Variants in CCDC7 observed in about 807,000 individuals in gnomAD.
The protein encoded by CCDC7 is coiled-coil domain containing 7.
CCDC7 carries 183 observed loss-of-function variants against 196.9 expected under a neutral mutation model. The observed-to-expected ratio is 0.93, with a 90% confidence interval of 0.82 to 1.05. The LOEUF (loss-of-function observed/expected upper bound fraction) is 1.05, where lower values mean the gene tolerates loss of function less well. Ranked by LOEUF, CCDC7 falls within the 50% of genes least tolerant of loss-of-function variation. The probability of loss-of-function intolerance (pLI) is 0.00; values close to 1 mark genes in which losing one functional copy is unlikely to be tolerated. For missense variants in CCDC7, 1,540 were observed against 1,482.2 expected (o/e 1.04, Z -0.64); for synonymous variants, 525 against 484.6 (o/e 1.08, Z -1.10).
chr10:32,606,971 C>T (rs950452378), intron 18 of CCDC7, among the ~76,000 whole-genome samples: 1 of 152,128 alleles, frequency 6.6e-6, no homozygotes, highest in Non-Finnish European at 1.5e-5. Context: ...CTGTTCCACG[C>T]AAACATCATG....
intron 9 of CCDC7, among the ~76,000 whole-genome samples, chr10:32,510,860 C>T (rs1203503417): frequency 1.3e-5 from 2 of 151,770 alleles, no homozygotes; most frequent in Non-Finnish European, 2.9e-5. Flanking sequence ...AGTATCTATA[C>T]AGAAAAAAAT....
chr10:32,685,093 T>G (rs1238107082), intron 21 of CCDC7, among the ~76,000 whole-genome samples: 1 of 152,142 alleles, frequency 6.6e-6, no homozygotes, highest in African/African-American at 2.4e-5. Context: ...TATATTGTAT[T>G]CTTACATTTC....
At chr10:32,738,142 A>G (rs769851739) in intron 28 of CCDC7, among the ~76,000 whole-genome samples, 2 of 152,118 alleles carry the variant, frequency 1.3e-5, no homozygotes, top group African/African-American at 2.4e-5. Context: ...CTTTAATTAC[A>G]TATTTAATAT....
chr10:32,456,175 T>A, intron 2 of CCDC7, 76 bp from the exon 4 acceptor site: 4 of 1,315,220 alleles, frequency 3.0e-6, no homozygotes, highest in Non-Finnish European at 3.9e-6. Flanking sequence ...TTTCAAAAAG[T>A]AAATATGCTA....
At chr10:32,828,485 G>GGAAGAAGAAGAAGAAGAAGAAAGAA (rs2091624014) in intron 32 of CCDC7, among the ~76,000 whole-genome samples, 41 of 49,750 alleles carry the variant, frequency 8.2e-4, no homozygotes, top group African/African-American at 2.5e-3. Context: ...AAGAGGAAGA[G>GGAAGAAGAAGAAGAAGAAGAAAGAA]GAAGAAGAAG....
chr10:32,728,829 T>TTA, intron 26 of CCDC7, 58 bp from the exon 28 acceptor site: 1 of 892,120 alleles, frequency 1.1e-6, no homozygotes, highest in Non-Finnish European at 1.7e-6. Flanking sequence ...AATGTACATA[T>TTA]TATACATTCA....
intron 14 of CCDC7, 50 bp from the exon 16 acceptor site, chr10:32,567,620 C>T (rs2057018286): frequency 1.3e-6 from 2 of 1,533,266 alleles, no homozygotes; most frequent in Non-Finnish European, 1.8e-6. Context: ...GTAGTATTGG[C>T]AGGAAAATAT....
chr10:32,798,855 A>G (rs901406493), intron 29 of CCDC7, among the ~76,000 whole-genome samples: 1 of 152,164 alleles, frequency 6.6e-6, no homozygotes, highest in Non-Finnish European at 1.5e-5. Flanking sequence ...TGTATCATGC[A>G]GAATCATCTG....
At chr10:32,786,856 C>T (rs999734228) in intron 29 of CCDC7, among the ~76,000 whole-genome samples, 5 of 152,108 alleles carry the variant, frequency 3.3e-5, no homozygotes, top group African/African-American at 1.2e-4. Flanking sequence ...ATCAGAAAAA[C>T]TTTGTAAAAA....
At chr10:32,618,797 G>C (rs1209734143) in intron 18 of CCDC7, among the ~76,000 whole-genome samples, 1 of 151,974 alleles carries the variant, frequency 6.6e-6, no homozygotes, top group Non-Finnish European at 1.5e-5. Flanking sequence ...TTTGCCTTGG[G>C]ATAGGAAGTT....
intron 15 of CCDC7, among the ~76,000 whole-genome samples, chr10:32,571,636 A>T (rs988612775): frequency 1.8e-4 from 28 of 151,982 alleles, no homozygotes; most frequent in African/African-American, 6.0e-4. Flanking sequence ...ATAAAACCTT[A>T]TTTGCTCTTA....
chr10:32,709,804 C>T (rs1469264794), intron 24 of CCDC7, among the ~76,000 whole-genome samples: 2 of 152,118 alleles, frequency 1.3e-5, no homozygotes, highest in Admixed American at 6.5e-5. Flanking sequence ...TTTAATTTGG[C>T]TCCATAACCA....
intron 20 of CCDC7, among the ~76,000 whole-genome samples, chr10:32,638,821 G>A (rs1398689188): frequency 6.6e-6 from 1 of 152,154 alleles, no homozygotes; most frequent in Non-Finnish European, 1.5e-5. Context: ...GCTTCTCCTT[G>A]TACCTCTGGT....
chr10:32,677,175 T>A (rs1442496615), intron 21 of CCDC7, among the ~76,000 whole-genome samples: 2 of 123,510 alleles, frequency 1.6e-5, no homozygotes, highest in East Asian at 5.1e-4. Context: ...TGAGAACACA[T>A]GGACACAGGA....
chr10:32,771,876 G>A (rs2079216321), intron 28 of CCDC7, among the ~76,000 whole-genome samples: 1 of 152,186 alleles, frequency 6.6e-6, no homozygotes, highest in Non-Finnish European at 1.5e-5. Flanking sequence ...TGGGTGCAGT[G>A]CTATTCTGCC....
At chr10:32,477,103 TG>T (rs1489622027) in intron 8 of CCDC7, among the ~76,000 whole-genome samples, 1 of 152,142 alleles carries the variant, frequency 6.6e-6, no homozygotes, top group Non-Finnish European at 1.5e-5. Flanking sequence ...AGGTGTTGTG[TG>T]TAAAAATTCA....
At chr10:32,667,106 T>A (rs1419698346) in intron 21 of CCDC7, among the ~76,000 whole-genome samples, 1 of 152,172 alleles carries the variant, frequency 6.6e-6, no homozygotes, top group Admixed American at 6.5e-5. Context: ...TGGTTTTGAT[T>A]TGCATTTCTC....
intron 29 of CCDC7, among the ~76,000 whole-genome samples, chr10:32,788,990 AT>A (rs1365099616): frequency 6.6e-6 from 1 of 152,056 alleles, no homozygotes; most frequent in African/African-American, 2.4e-5. Flanking sequence ...CTGCCTTCTC[AT>A]CCAGCCACTA....
chr10:32,860,884 C>T (rs968296430), intron 41 of CCDC7, among the ~76,000 whole-genome samples: 3 of 152,070 alleles, frequency 2.0e-5, no homozygotes, highest in Admixed American at 1.3e-4. Context: ...AGGAGAACTA[C>T]AAACCACTGC....
Sources: gnomAD v4.1 joint callset for allele counts (sites outside exome capture counted in the v4.1 genomes callset) on GRCh38, gnomAD v4.1.1 for gene constraint, MANE v1.5 for transcripts, NCBI Gene and HGNC (gene_info 2026-07-23, HGNC 2026-07-21) for gene names.